The following DAB1 variants were observed in gnomAD, a reference collection of about 807,000 sequenced individuals.
DAB1 encodes the protein DAB adaptor protein 1.
Under a neutral mutation model 64.6 loss-of-function variants are expected in DAB1, and 15 were observed. That is an observed-to-expected ratio of 0.23 (90% CI 0.16 to 0.36). DAB1 has a LOEUF of 0.36. DAB1 is among the 10% of genes least tolerant of loss of function. DAB1 has a pLI of 1.00. For missense variants in DAB1, 596 were observed against 706.7 expected, an observed-to-expected ratio of 0.84 and a Z score of 1.78; for synonymous variants, 235 against 251.9, an observed-to-expected ratio of 0.93 and a Z score of 0.64.
chr1:57,605,512 G>A (rs1291211647), intron 7 of DAB1, among the ~76,000 whole-genome samples: 6 of 152,272 alleles, frequency 3.9e-5, no homozygotes, highest in Non-Finnish European at 5.9e-5. Flanking sequence ...GTTGGCACCA[G>A]AGAGAAAATA....
intron 3 of DAB1, among the ~76,000 whole-genome samples, chr1:58,483,438 G>A (rs1645523295): frequency 6.6e-6 from 1 of 152,158 alleles, no homozygotes; most frequent in African/African-American, 2.4e-5. Context: ...CTTGGGTCTA[G>A]GAGCACTTCT....
At chr1:57,501,170 T>C (rs567728391) in intron 7 of DAB1, among the ~76,000 whole-genome samples, 2 of 152,346 alleles carry the variant, frequency 1.3e-5, no homozygotes, top group Non-Finnish European at 1.5e-5. Context: ...TTACTAGTTA[T>C]AGAGCCTAGA....
chr1:57,577,768 C>G (rs1354969401), intron 7 of DAB1, among the ~76,000 whole-genome samples: 5 of 152,190 alleles, frequency 3.3e-5, no homozygotes, highest in African/African-American at 1.2e-4. Context: ...ATTGTTCATA[C>G]TTAGTATGTT....
chr1:58,051,262 T>C (rs1647645124), intron 5 of DAB1, among the ~76,000 whole-genome samples: 3 of 151,250 alleles, frequency 2.0e-5, no homozygotes, highest in Admixed American at 2.0e-4. Flanking sequence ...AGTGATCTCA[T>C]TGTTCAAGTC....
chr1:57,823,006 A>G (rs959954529), downstream of DAB1, among the ~76,000 whole-genome samples: 3 of 129,560 alleles, frequency 2.3e-5, no homozygotes, highest in Non-Finnish European at 4.8e-5. Flanking sequence ...TTTTTTTGAG[A>G]TGGAGTCTCA....
At chr1:58,179,240 T>C (rs1315553759) in intron 4 of DAB1, among the ~76,000 whole-genome samples, 2 of 151,974 alleles carry the variant, frequency 1.3e-5, no homozygotes, top group South Asian at 2.1e-4. Flanking sequence ...AGTTTCTTAA[T>C]ACTATCTTGA....
chr1:58,232,104 G>T (rs1353577429), intron 4 of DAB1, among the ~76,000 whole-genome samples: 1 of 152,162 alleles, frequency 6.6e-6, no homozygotes, highest in African/African-American at 2.4e-5. Context: ...TGACCAGTAG[G>T]AGGTTCAGGA....
At chr1:58,120,584 G>A (rs756958743) in intron 5 of DAB1, among the ~76,000 whole-genome samples, 4 of 152,112 alleles carry the variant, frequency 2.6e-5, no homozygotes, top group Non-Finnish European at 5.9e-5. Context: ...TCTGGCCCAC[G>A]GAAGATGCTT....
intron 4 of DAB1, among the ~76,000 whole-genome samples, chr1:57,078,106 T>G (rs1347847514): frequency 6.6e-6 from 1 of 152,216 alleles, no homozygotes; most frequent in Non-Finnish European, 1.5e-5. Context: ...TACATCACGG[T>G]GCCAATGAGG....
chr1:58,107,426 G>A lies in DAB1; in HGVS notation n.387+43085C>T, dbSNP rs148304667. Among the ~76,000 whole-genome samples the A allele has an allele frequency of 2.3e-3, 347 of 149,982 alleles. 2 individuals are homozygous for A. The highest frequency in any genetic ancestry group is 8.2e-3 in the African/African-American group (336 of 40,860). On this transcript the variant is annotated intron_variant and non_coding_transcript_variant, in intron 5 of 20. Coordinates refer to the DAB1 transcript ENST00000485760. The stretch of plus-strand genomic sequence containing the variant: ...GCGGAGTTTGCAGTGAGCAGAGATC[G>A]TGCCACTGCACTCCAACCTGGGTGA...
chr1:57,632,728 A>C (rs1646005676), intron 7 of DAB1, among the ~76,000 whole-genome samples: 1 of 152,248 alleles, frequency 6.6e-6, no homozygotes, highest in Admixed American at 6.5e-5. Flanking sequence ...CAAATCAAAA[A>C]ATAGCAATGT....
At chr1:58,534,209 A>G (rs1646480956) in intron 1 of DAB1, 3 of 871,876 alleles carry the variant, frequency 3.4e-6, no homozygotes, top group Non-Finnish European at 6.0e-6. Context: ...GAATAACCCA[A>G]TTGATCTGAG....
chr1:57,984,915 TG>T (rs1646175192), intron 5 of DAB1, among the ~76,000 whole-genome samples: 1 of 119,222 alleles, frequency 8.4e-6, no homozygotes, highest in South Asian at 2.4e-4. Flanking sequence ...TAGTTGTTGT[TG>T]TTTTTTTTTT....
At position 58,033,632 on chromosome 1, in the gene DAB1, G is replaced by A. The variant is rs139368101; in HGVS notation, n.387+116879C>T. ...CTCATCTGACTTCTTCAAAGGTAGTGATACTATTTTTACTGTACTTTACAG... is the reference window on the plus strand; with the variant it reads ...CTCATCTGACTTCTTCAAAGGTAGTAATACTATTTTTACTGTACTTTACAG... On this transcript the variant is annotated intron_variant and non_coding_transcript_variant, in intron 5 of 20. Coordinates refer to the DAB1 transcript ENST00000485760. 5.2e-4 allele frequency among the ~76,000 whole-genome samples: 79 copies of A among 152,264 alleles called. No individual in the cohort carries two copies. In the East Asian group the frequency reaches 0.012, roughly 22 times the overall value.
intron 3 of DAB1, among the ~76,000 whole-genome samples, chr1:58,446,542 G>C (rs2100281334): frequency 6.6e-6 from 1 of 152,228 alleles, no homozygotes; most frequent in Non-Finnish European, 1.5e-5. Context: ...GCTGGGGGTG[G>C]GGTGGTGGAC....
chr1:58,102,445 G>A (rs970710161), intron 5 of DAB1, among the ~76,000 whole-genome samples: 19 of 152,308 alleles, frequency 1.2e-4, no homozygotes, highest in African/African-American at 4.6e-4. Flanking sequence ...GAACCAACCT[G>A]TTGCTTACCC....
chr1:58,097,520 CT>C (rs139672005), intron 5 of DAB1, among the ~76,000 whole-genome samples: 17 of 148,748 alleles, frequency 1.1e-4, no homozygotes, highest in South Asian at 2.1e-4. Context: ...TTCAGGAAGC[CT>C]TTTTTTTTTA....
intron 5 of DAB1, among the ~76,000 whole-genome samples, chr1:57,990,882 CAGAT>C (rs1238827084): frequency 6.6e-6 from 1 of 152,110 alleles, no homozygotes; most frequent in Non-Finnish European, 1.5e-5. Flanking sequence ...TTAGGGTACT[CAGAT>C]AGGTACCCAG....
rs544140348 is a variant in DAB1 at position 57,237,370 on chromosome 1, GC to G, written c.67+53593del. Among the ~76,000 whole-genome samples, 614 of 152,256 alleles carry G rather than the reference GC, an allele frequency of 4.0e-3. 1 individual carries two copies. The highest frequency in any genetic ancestry group is 7.1e-3 in the Non-Finnish European group (480 of 68,020). ...AACCACTTCCTAGACTTTTTTAATA[GC>G]CTGGAGGTAAGCCAGATAGGAAAAT... On this transcript the variant is annotated intron_variant, in intron 2 of 14. Transcript: ENST00000371236.
Sources: gnomAD v4.1 joint callset for allele counts (sites outside exome capture counted in the v4.1 genomes callset) on GRCh38, gnomAD v4.1.1 for gene constraint, MANE v1.5 for transcripts, NCBI Gene and HGNC (gene_info 2026-07-23, HGNC 2026-07-21) for gene names.